Variants in CADPS observed in about 807,000 individuals in gnomAD.
CADPS encodes the protein calcium-dependent secretion activator 1.
Under a neutral mutation model 167.3 loss-of-function variants are expected in CADPS, and 57 were observed. That is an observed-to-expected ratio of 0.34 (90% CI 0.28 to 0.42). The LOEUF (loss-of-function observed/expected upper bound fraction) is 0.42, where lower values mean the gene tolerates loss of function less well. Ranked by LOEUF, CADPS falls within the 20% of genes least tolerant of loss-of-function variation. CADPS has a pLI of 1.00. For synonymous variants in CADPS, 676 were observed against 635.3 expected (o/e 1.06, Z -0.96); for missense variants, 1,414 against 1,738.1 (o/e 0.81, Z 3.32).
chr3:62,721,646 A>T (rs1301325814), intron 3 of CADPS, among the ~76,000 whole-genome samples: 1 of 152,078 alleles, frequency 6.6e-6, no homozygotes, highest in Non-Finnish European at 1.5e-5. Context: ...ATTCAACAAA[A>T]AAGCCAAACA....
Position 62,657,451 on chromosome 3 carries a change from G to A in CADPS, c.969+4863C>T, listed in dbSNP as rs2071941917. Among the ~76,000 whole-genome samples, 6 of 152,130 alleles carry A rather than the reference G, an allele frequency of 3.9e-5. No individual in the cohort carries two copies. In the South Asian group the frequency reaches 1.2e-3, roughly 31 times the overall value. On this transcript the variant is annotated intron_variant, in intron 4 of 29. Transcript: ENST00000383710. ...TGGCAAATATCACAGCAGCACTAAT[G>A]CCACAATCTGTCTGCTTAAGCTCAA...
chr3:62,849,458 C>G (rs2078118921), intron 1 of CADPS, among the ~76,000 whole-genome samples: 1 of 112,560 alleles, frequency 8.9e-6, no homozygotes, highest in Admixed American at 8.8e-5. Flanking sequence ...CCCATCAATA[C>G]CTAATTTATT....
chr3:62,793,639 C>G (rs138598301), intron 1 of CADPS, among the ~76,000 whole-genome samples: 9 of 152,152 alleles, frequency 5.9e-5, no homozygotes, highest in Admixed American at 5.9e-4. Flanking sequence ...GATGGGCTTA[C>G]TTTTGGAGGG....
intron 26 of CADPS, among the ~76,000 whole-genome samples, chr3:62,448,560 T>C (rs1179506947): frequency 2.0e-5 from 3 of 152,070 alleles, no homozygotes; most frequent in Non-Finnish European, 4.4e-5. Flanking sequence ...GGGTAAATTG[T>C]GGTCTATTAT....
chr3:62,452,470 A>G (rs541872141), intron 26 of CADPS, among the ~76,000 whole-genome samples: 1 of 152,330 alleles, frequency 6.6e-6, no homozygotes, highest in South Asian at 2.1e-4. Flanking sequence ...CACTTTAGAC[A>G]GTTCTATTGG....
chr3:62,424,503 A>G (rs1262057274), intron 28 of CADPS, among the ~76,000 whole-genome samples: 1 of 152,136 alleles, frequency 6.6e-6, no homozygotes, highest in South Asian at 2.1e-4. Flanking sequence ...CTCTTTTAAC[A>G]TCTTTGAGAC....
intron 6 of CADPS, among the ~76,000 whole-genome samples, chr3:62,605,728 T>A (rs976852289): frequency 6.6e-6 from 1 of 152,222 alleles, no homozygotes; most frequent in African/African-American, 2.4e-5. Flanking sequence ...TTCTCCTAGC[T>A]TTCTTTTGTG....
Position 62,874,901 on chromosome 3 carries a change from G to T in CADPS, c.129C>A (p.Ala43=). The part of the protein sequence containing the change: ...LSPSRTSEGS[A]GSAGLGGGGA... ...CGCCGCCCCCCAGCCCGGCGCTGCC[G>T]GCCGAGCCCTCGCTGGTACGGCTGG... The change falls in exon 1 of 30, where the codon GCC becomes GCA. Residue 43 remains alanine (A), a synonymous_variant. Transcript: ENST00000383710. The surrounding 1 kb of genome is among the most constrained non-coding windows in gnomAD (Gnocchi z 7.1). The T allele has an allele frequency of 7.2e-7, 1 of 1,379,712 alleles. No individual in the cohort carries two copies. The allele number at this position is 1,379,712 out of a possible 1,614,324, so 85.5% of individuals were successfully genotyped here.
intron 2 of CADPS, among the ~76,000 whole-genome samples, chr3:62,758,295 C>T (rs1320347819): frequency 6.6e-6 from 1 of 152,152 alleles, no homozygotes; most frequent in South Asian, 2.1e-4. Flanking sequence ...TGTTAAGATA[C>T]AACTGCCAGA....
At chr3:62,454,112 G>C (rs2058403295) in intron 26 of CADPS, among the ~76,000 whole-genome samples, 1 of 152,138 alleles carries the variant, frequency 6.6e-6, no homozygotes, top group Non-Finnish European at 1.5e-5. Flanking sequence ...AGTTTGAGAT[G>C]TTTAAAAAAT....
chr3:62,652,690 G>C (rs1444851070), intron 4 of CADPS, among the ~76,000 whole-genome samples: 1 of 151,998 alleles, frequency 6.6e-6, no homozygotes, highest in Admixed American at 6.6e-5. Flanking sequence ...AAGGGAGGCA[G>C]GGACTGAAGG....
chr3:62,460,489 A>G (rs1030668444), intron 26 of CADPS, among the ~76,000 whole-genome samples: 1 of 152,226 alleles, frequency 6.6e-6, no homozygotes. Context: ...AAGCCAAAGC[A>G]TAAGTGAAAT....
In CADPS at chr3:62,724,724, A is replaced by G. The variant is rs28622155; in HGVS notation, c.888+28717T>C. Among the ~76,000 whole-genome samples the G allele has an allele frequency of 3.0e-3, 454 of 152,272 alleles. 2 individuals carry two copies. The highest frequency in any genetic ancestry group is 0.01 in the Middle Eastern group (3 of 294). ...CTGTCACCAGCCCAAGGGCCCACAC[A>G]TGAGAACCAGCATCCTCATTTCCCC... On this transcript the variant is annotated intron_variant, in intron 3 of 29. Transcript: ENST00000383710.
intron 28 of CADPS, among the ~76,000 whole-genome samples, chr3:62,427,861 C>A (rs578234750): frequency 6.6e-6 from 1 of 152,144 alleles, no homozygotes; most frequent in South Asian, 2.1e-4. Flanking sequence ...ATTATTTGTT[C>A]TTTTCTAAAA....
intron 1 of CADPS, among the ~76,000 whole-genome samples, chr3:62,798,603 C>A (rs984268561): frequency 6.6e-6 from 1 of 152,100 alleles, no homozygotes; most frequent in African/African-American, 2.4e-5. Context: ...CCTATTAGTT[C>A]TGTCCCTCTA....
rs1022583648 is a variant in CADPS, at chr3:62,544,210, A to C, written c.1966+5693T>G. Among the ~76,000 whole-genome samples, 3 of 152,026 alleles carry C rather than the reference A, an allele frequency of 2.0e-5. No homozygotes were observed. The highest frequency in any genetic ancestry group is 4.4e-5 in the Non-Finnish European group (3 of 67,978). On this transcript the variant is annotated intron_variant, in intron 11 of 29. Coordinates refer to ENST00000383710, the MANE Select transcript of CADPS (RefSeq NM_003716.4). The surrounding 1 kb of genome is among the most constrained non-coding windows in gnomAD (Gnocchi z 4.4). ...GCTCTCCTTTCAAAATTAATCCTCT[A>C]TTGGGTCTTACATTAGAGCACACCC...
chr3:62,655,933 C>T (rs2071443927), intron 4 of CADPS, among the ~76,000 whole-genome samples: 1 of 152,000 alleles, frequency 6.6e-6, no homozygotes, highest in African/African-American at 2.4e-5. Context: ...CATGAAGCAA[C>T]AGAGGCGTGC....
intron 3 of CADPS, among the ~76,000 whole-genome samples, chr3:62,662,750 T>A (rs1033053593): frequency 2.0e-5 from 3 of 152,158 alleles, no homozygotes; most frequent in African/African-American, 7.2e-5. Context: ...GACGGCAATA[T>A]AACTATTAGA....
intron 11 of CADPS, among the ~76,000 whole-genome samples, chr3:62,541,707 G>T (rs972558317): frequency 1.3e-5 from 2 of 151,962 alleles, no homozygotes; most frequent in African/African-American, 2.4e-5. Context: ...AAATTCAAGT[G>T]GTATGGTCCC....
Sources: allele counts gnomAD v4.1 joint callset (sites outside exome capture counted in the v4.1 genomes callset), GRCh38; gene constraint gnomAD v4.1.1; non-coding constraint Gnocchi (gnomAD v3.1); transcripts MANE v1.5; gene names NCBI Gene and HGNC (gene_info 2026-07-23, HGNC 2026-07-21).